CDH20: variants seen among roughly 807,000 people sequenced by gnomAD.
CDH20 encodes the protein cadherin-20.
CDH20 carries 29 observed loss-of-function variants against 74.2 expected under a neutral mutation model. The ratio of observed to expected loss-of-function variants is 0.39; its 90% CI spans 0.29 to 0.53. The LOEUF (loss-of-function observed/expected upper bound fraction) is 0.53. Among genes scored for constraint, CDH20 ranks in the 20% least tolerant of loss-of-function variants. CDH20 has a pLI of 0.69. For synonymous variants in CDH20, 469 were observed against 405.4 expected, an observed-to-expected ratio of 1.16 and a Z score of -1.88; for missense variants, 988 against 1,048.3, an observed-to-expected ratio of 0.94 and a Z score of 0.79.
intron 7 of CDH20, among the ~76,000 whole-genome samples, chr18:61,529,189 G>A (rs1168692485): frequency 6.6e-6 from 1 of 152,208 alleles, no homozygotes; most frequent in African/African-American, 2.4e-5. Flanking sequence ...GATGTCGGAA[G>A]CCATCTGTCA....
chr18:61,339,458 C>T (rs1464966670), intron 1 of CDH20, among the ~76,000 whole-genome samples: 1 of 151,588 alleles, frequency 6.6e-6, no homozygotes, highest in African/African-American at 2.4e-5. Flanking sequence ...CCATTGTACC[C>T]CATAGATAAT....
intron 8 of CDH20, among the ~76,000 whole-genome samples, chr18:61,538,581 TTTGTTTGTTTG>T (rs1400201888): frequency 6.3e-5 from 3 of 47,684 alleles, no homozygotes. Flanking sequence ...ATAACTACTT[TTTGTTTGTTTG>T]TTTGTTTTTG....
chr18:61,532,551 TATATACAC>T (rs767915294), intron 7 of CDH20, among the ~76,000 whole-genome samples: 872 of 20,878 alleles, frequency 0.042, 8 homozygotes, highest in African/African-American at 0.086. Flanking sequence ...TATATATATA[TATATACAC>T]ACACACACAC....
At chr18:61,508,200 A>G (rs1479929932) in intron 6 of CDH20, among the ~76,000 whole-genome samples, 1 of 152,238 alleles carries the variant, frequency 6.6e-6, no homozygotes, top group Non-Finnish European at 1.5e-5. Flanking sequence ...CATAGTAAAT[A>G]TATATCTAAT....
At position 61,536,477 on chromosome 18, in the gene CDH20, A is replaced by G. The variant is rs1912821753; in HGVS notation, c.1272-16A>G. On this transcript the variant is annotated splice_polypyrimidine_tract_variant and intron_variant, in intron 7 of 11. Coordinates refer to ENST00000262717, the MANE Select transcript of CDH20 (RefSeq NM_031891.4). ...TACCCAAATGCAAATGATGTACGTA[A>G]TCCATGTTTCTGCAGATACTCCATT... 1 of 1,612,286 alleles carries G rather than the reference A, an allele frequency of 6.2e-7. No homozygotes were observed. Among genetic ancestry groups the G allele is most frequent in the African/African-American group, 1.3e-5 (1 of 74,870 alleles).
In CDH20 at chr18:61,550,002, G is replaced by T. The variant is rs775931796; in HGVS notation, c.1673G>T (p.Arg558Met). The T allele has an allele frequency of 1.2e-6, 2 of 1,614,184 alleles. No individual in the cohort carries two copies. The highest frequency in any genetic ancestry group is 1.7e-6 in the Non-Finnish European group (2 of 1,180,014). The part of the protein sequence containing the change: ...NQDNTARILT[R>M]RSGFRQQEQS... ...GATAACACAGCACGGATTCTAACCA[G>T]GAGGTCTGGTTTCCGGCAGCAGGAG... Residue 558 changes from arginine (R) to methionine (M), a missense_variant, in exon 11 of 12, where the codon AGG becomes ATG. By Grantham distance (91) the Arg-to-Met change is moderately conservative. Coordinates refer to ENST00000262717, the MANE Select transcript of CDH20 (RefSeq NM_031891.4).
chr18:61,339,039 G>T (rs1909848844), intron 1 of CDH20, among the ~76,000 whole-genome samples: 1 of 152,102 alleles, frequency 6.6e-6, no homozygotes, highest in South Asian at 2.1e-4. Context: ...AATGGTTCTT[G>T]TTACTTTGAA....
chr18:61,493,570 A>T (rs903283246), intron 2 of CDH20, among the ~76,000 whole-genome samples: 1 of 152,108 alleles, frequency 6.6e-6, no homozygotes, highest in Non-Finnish European at 1.5e-5. Context: ...TCTGCCACAC[A>T]TACCACGTTT....
chr18:61,394,548 C>T (rs1911897739), intron 1 of CDH20, among the ~76,000 whole-genome samples: 2 of 152,116 alleles, frequency 1.3e-5, no homozygotes, highest in Non-Finnish European at 2.9e-5. Context: ...AAAGGAGAGG[C>T]CTGGAACATC....
At chr18:61,342,322 C>T (rs1909979473) in intron 1 of CDH20, among the ~76,000 whole-genome samples, 1 of 152,144 alleles carries the variant, frequency 6.6e-6, no homozygotes, top group Non-Finnish European at 1.5e-5. Flanking sequence ...ATGTGCATTA[C>T]CTCTCTAACC....
intron 1 of CDH20, among the ~76,000 whole-genome samples, chr18:61,412,327 T>G (rs182749711): frequency 6.6e-6 from 1 of 152,312 alleles, no homozygotes; most frequent in African/African-American, 2.4e-5. Flanking sequence ...TTGGCAAAAT[T>G]TTGTTATGTT....
At chr18:61,483,047 G>T (rs958576991) in intron 1 of CDH20, among the ~76,000 whole-genome samples, 6 of 152,098 alleles carry the variant, frequency 3.9e-5, no homozygotes, top group Admixed American at 3.9e-4. Flanking sequence ...CTTTAACTGG[G>T]AATGCCCTTT....
intron 6 of CDH20, among the ~76,000 whole-genome samples, chr18:61,509,545 T>C (rs1048121394): frequency 3.9e-5 from 6 of 152,134 alleles, no homozygotes; most frequent in African/African-American, 1.4e-4. Context: ...TCTTAGGAGA[T>C]GAGGTCTGAA....
chr18:61,407,007 T>G (rs1270380988), intron 1 of CDH20, among the ~76,000 whole-genome samples: 2 of 152,250 alleles, frequency 1.3e-5, no homozygotes, highest in Non-Finnish European at 2.9e-5. Flanking sequence ...CCTTTTACCA[T>G]GTGGTACATA....
chr18:61,514,387 A>C (rs898271983), intron 6 of CDH20, among the ~76,000 whole-genome samples: 17 of 152,078 alleles, frequency 1.1e-4, no homozygotes, highest in African/African-American at 4.1e-4. Context: ...TGGTTATTCT[A>C]GTTATACATT....
chr18:61,383,158 T>C (rs1361295209), intron 1 of CDH20, among the ~76,000 whole-genome samples: 1 of 152,242 alleles, frequency 6.6e-6, no homozygotes, highest in Non-Finnish European at 1.5e-5. Flanking sequence ...CACTTACTTA[T>C]ATTATTATAG....
intron 11 of CDH20, 140 bp from the exon 12 acceptor site, chr18:61,554,050 T>G: frequency 1.0e-6 from 1 of 965,200 alleles, no homozygotes; most frequent in Non-Finnish European, 1.5e-6. Context: ...CTCCCCGAGG[T>G]TTCAGATATC....
intron 1 of CDH20, among the ~76,000 whole-genome samples, chr18:61,372,702 A>G (rs1410431357): frequency 6.6e-6 from 1 of 152,172 alleles, no homozygotes; most frequent in African/African-American, 2.4e-5. Flanking sequence ...TTTATTGGAA[A>G]ACAGCTACGC....
rs570644997 is a variant in CDH20 at position 61,410,200 on chromosome 18, C to G, written c.-153+76373C>G. 3.3e-5 allele frequency among the ~76,000 whole-genome samples: 5 copies of G among 152,156 alleles called. No homozygotes were observed. In the East Asian group the frequency reaches 9.7e-4, roughly 29 times the overall value. ...TCCTTAGTTCAAGCATGAGCCATTT[C>G]TAAAACACACAGGTCTCCTAACATG... On this transcript the variant is annotated intron_variant, in intron 1 of 11. Transcript: ENST00000262717.
Sources: gnomAD v4.1 joint callset for allele counts (sites outside exome capture counted in the v4.1 genomes callset) on GRCh38, gnomAD v4.1.1 for gene constraint, MANE v1.5 for transcripts, NCBI Gene and HGNC (gene_info 2026-07-23, HGNC 2026-07-21) for gene names.